RAD51B: variants seen among roughly 807,000 people sequenced by gnomAD.
RAD51B encodes the protein DNA repair protein RAD51 homolog 2.
A neutral mutation model predicts 42.2 loss-of-function variants in RAD51B; 38 were observed. The ratio of observed to expected loss-of-function variants is 0.90; its 90% CI spans 0.70 to 1.18. The LOEUF (loss-of-function observed/expected upper bound fraction) is 1.18, where lower values mean the gene tolerates loss of function less well. Ranked by LOEUF, RAD51B falls within the 50% of genes most tolerant of loss-of-function variation. The pLI is 0.00. For synonymous variants in RAD51B, 154 were observed against 145.2 expected, an observed-to-expected ratio of 1.06 and a Z score of -0.43; for missense variants, 373 against 400.7, an observed-to-expected ratio of 0.93 and a Z score of 0.59.
At position 68,290,335 on chromosome 14, in the gene RAD51B, C is replaced by T. The variant is rs117319807; in HGVS notation, c.757-1549C>T. Among the ~76,000 whole-genome samples, 1,176 of 152,304 alleles carry T rather than the reference C, an allele frequency of 7.7e-3. 11 individuals are homozygous for T. Among genetic ancestry groups the T allele is most frequent in the Middle Eastern group, 0.024 (7 of 292 alleles). The stretch of plus-strand genomic sequence containing the variant: ...TCATAGTTTCTTCCCACGATGAGAA[C>T]ATCTAAACCTTGGAAAATGATTGTG... On this transcript the variant is annotated intron_variant, in intron 7 of 10. Transcript: ENST00000471583.
intron 7 of RAD51B, among the ~76,000 whole-genome samples, chr14:67,934,982 A>G (rs527352808): frequency 1.3e-5 from 2 of 152,302 alleles, no homozygotes; most frequent in East Asian, 3.9e-4. Flanking sequence ...GCACACTATC[A>G]TATTGCCTGT....
At chr14:68,261,207 C>T (rs1350894887) in intron 7 of RAD51B, among the ~76,000 whole-genome samples, 4 of 152,232 alleles carry the variant, frequency 2.6e-5, no homozygotes, top group African/African-American at 7.2e-5. Flanking sequence ...GTTATTGGCC[C>T]GCAGTTTTTA....
chr14:68,647,779 A>T (rs1892591185), intron 10 of RAD51B, among the ~76,000 whole-genome samples: 1 of 151,986 alleles, frequency 6.6e-6, no homozygotes, highest in African/African-American at 2.4e-5. Flanking sequence ...CCCAGGTTCA[A>T]GCGATTCTCC....
chr14:68,426,808 C>T (rs1003541782), intron 9 of RAD51B, among the ~76,000 whole-genome samples: 9 of 151,638 alleles, frequency 5.9e-5, no homozygotes, highest in African/African-American at 2.2e-4. Flanking sequence ...GGGAGAATGA[C>T]CCCGAGGGGA....
At chr14:67,838,466 A>G (rs1032581032) in intron 4 of RAD51B, among the ~76,000 whole-genome samples, 2 of 152,008 alleles carry the variant, frequency 1.3e-5, no homozygotes, top group South Asian at 2.1e-4. Context: ...AAAAAGATAC[A>G]TGGTCTAGCT....
At chr14:68,392,786 A>C (rs2140020199) in intron 8 of RAD51B, among the ~76,000 whole-genome samples, 1 of 152,306 alleles carries the variant, frequency 6.6e-6, no homozygotes, top group Non-Finnish European at 1.5e-5. Context: ...AGGCTGTTTG[A>C]GTGGGGCCTC....
chr14:68,022,302 A>G (rs1186066417), intron 7 of RAD51B, among the ~76,000 whole-genome samples: 1 of 152,134 alleles, frequency 6.6e-6, no homozygotes, highest in Non-Finnish European at 1.5e-5. Context: ...CATGGTATAT[A>G]TGTACCACAT....
In RAD51B at chr14:68,446,463, G is replaced by C. The variant is rs150510592; in HGVS notation, c.958-21709G>C. Among the ~76,000 whole-genome samples the C allele has an allele frequency of 4.8e-3, 731 of 152,190 alleles. 5 individuals are homozygous for C. The highest frequency in any genetic ancestry group is 0.017 in the African/African-American group (696 of 41,490). On this transcript the variant is annotated intron_variant, in intron 9 of 10. Transcript: ENST00000471583. ...AATTTTTTTCAGCCTATGTTGTCTAGTTAGAGCTGAGGGCTGATTGTACCC... is the reference window on the plus strand; with the variant it reads ...AATTTTTTTCAGCCTATGTTGTCTACTTAGAGCTGAGGGCTGATTGTACCC...
intron 11 of RAD51B, among the ~76,000 whole-genome samples, chr14:68,662,346 G>T (rs887555096): frequency 3.9e-5 from 6 of 152,194 alleles, no homozygotes. Flanking sequence ...ATTTCATCTT[G>T]TTACATTCAG....
chr14:68,001,470 G>A (rs1378040321), intron 7 of RAD51B, among the ~76,000 whole-genome samples: 1 of 152,022 alleles, frequency 6.6e-6, no homozygotes, highest in Non-Finnish European at 1.5e-5. Context: ...GTTTATTAGG[G>A]TCCTCTTTTA....
intron 7 of RAD51B, among the ~76,000 whole-genome samples, chr14:68,275,817 CACACA>C (rs1430824969): frequency 3.3e-5 from 5 of 151,514 alleles, no homozygotes; most frequent in African/African-American, 1.2e-4. Flanking sequence ...CACACACACA[CACACA>C]CACACACACA....
At chr14:68,677,121 C>G (rs1383031970) in intron 11 of RAD51B, among the ~76,000 whole-genome samples, 2 of 152,172 alleles carry the variant, frequency 1.3e-5, no homozygotes, top group Non-Finnish European at 2.9e-5. Flanking sequence ...CAAATCAAGT[C>G]TACTGTCCCC....
At chr14:68,353,518 C>T (rs190337664) in intron 8 of RAD51B, among the ~76,000 whole-genome samples, 4 of 152,206 alleles carry the variant, frequency 2.6e-5, no homozygotes, top group African/African-American at 9.6e-5. Context: ...TATTTTTTCT[C>T]CTGTCTCTTT....
intron 10 of RAD51B, among the ~76,000 whole-genome samples, chr14:68,487,118 A>G (rs558311657): frequency 7.9e-5 from 12 of 152,350 alleles, no homozygotes; most frequent in Admixed American, 6.5e-4. Flanking sequence ...AGGCTGCATA[A>G]AAGAATACCA....
Position 68,468,209 on chromosome 14 carries a change from C to A in RAD51B, c.995C>A (p.Ser332Ter). 6.2e-7 allele frequency: 1 copy of A among 1,614,060 alleles called. No individual in the cohort carries two copies. The highest frequency in any genetic ancestry group is 8.5e-7 in the Non-Finnish European group (1 of 1,179,936). Residue 332 changes from serine to a stop codon, truncating the protein, a stop_gained, in exon 10 of 11, where the codon TCA becomes TAA. Transcript: ENST00000471583. LOFTEE classifies it high-confidence loss of function. ...AAGTCCCCTCTGGCTCCCTTCACCT[C>A]ATTTGTCTACACCATCAAGGAGGAA... is the stretch of plus-strand genomic sequence containing the variant. ...IAKSPLAPFTSFVYTIKEEGL... is the reference protein window; with the variant it reads ...IAKSPLAPFT
intron 7 of RAD51B, among the ~76,000 whole-genome samples, chr14:68,145,645 A>G (rs990438218): frequency 5.9e-5 from 9 of 152,194 alleles, no homozygotes; most frequent in Non-Finnish European, 1.2e-4. Context: ...TGAAGTCAGT[A>G]TTAATATGTG....
intron 10 of RAD51B, among the ~76,000 whole-genome samples, chr14:68,515,058 G>A (rs1236791486): frequency 1.3e-5 from 2 of 152,134 alleles, no homozygotes; most frequent in Non-Finnish European, 2.9e-5. Flanking sequence ...GAGAGCAGGT[G>A]ATACTAAAGA....
intron 7 of RAD51B, among the ~76,000 whole-genome samples, chr14:68,028,814 G>A (rs535674666): frequency 1.0e-3 from 155 of 152,174 alleles, no homozygotes; most frequent in Non-Finnish European, 1.9e-3. Flanking sequence ...CTGCCTCAGC[G>A]GTCAGCTGGG....
rs771509450 is a variant in RAD51B at position 68,291,852 on chromosome 14, G to T, written c.757-32G>T. ...GTCTTCCCTGTCTTTCTTCTCCCTT[G>T]CCCCCTACCCCTTCTCCCTGTCTGT... On this transcript the variant is annotated intron_variant, in intron 7 of 10. Coordinates refer to ENST00000471583, the MANE Select transcript of RAD51B (RefSeq NM_133510.4). The T allele has an allele frequency of 9.8e-6, 15 of 1,523,212 alleles. No homozygotes were observed. In the South Asian group the frequency reaches 1.5e-4, roughly 15 times the overall value. The allele number at this position is 1,523,212 out of a possible 1,614,324, so 94.4% of individuals were successfully genotyped here. A position where few individuals can be genotyped will look rare whatever the true frequency, so the allele number is the denominator to read the frequency against.
Sources: gnomAD v4.1 joint callset for allele counts (sites outside exome capture counted in the v4.1 genomes callset) on GRCh38, gnomAD v4.1.1 for gene constraint, MANE v1.5 for transcripts, NCBI Gene and HGNC (gene_info 2026-07-23, HGNC 2026-07-21) for gene names.